Variants in WDR90 observed in about 807,000 individuals in gnomAD.
WDR90 encodes the protein WD repeat-containing protein 90.
In WDR90, 238 loss-of-function variants were observed where a neutral mutation model predicts 195.2. The observed-to-expected ratio is 1.22, with a 90% CI of 1.10 to 1.36. WDR90 has a LOEUF of 1.36. Among genes scored for constraint, WDR90 ranks in the 40% most tolerant of loss-of-function variants. The pLI, the probability that WDR90 is intolerant of heterozygous loss-of-function variation, is 0.00. For missense variants in WDR90, 2,734 were observed against 2,439.5 expected, an observed-to-expected ratio of 1.12 and a Z score of -2.54; for synonymous variants, 1,265 against 1,052.4, an observed-to-expected ratio of 1.20 and a Z score of -3.91.
chr16:655,954 G>A (rs1567216719), intron 17 of WDR90, 65 bp downstream of exon 17: 9 of 1,505,108 alleles, frequency 6.0e-6, no homozygotes, highest in Non-Finnish European at 6.3e-6. Flanking sequence ...GGCGGGGAAG[G>A]CCCAGTCCCC....
In WDR90 at chr16:657,904, G is replaced by T; in HGVS notation, c.2604+12G>T. On this transcript the variant is annotated intron_variant, in intron 21 of 40. Coordinates refer to ENST00000293879, the MANE Select transcript of WDR90 (RefSeq NM_145294.5). The stretch of plus-strand genomic sequence containing the variant: ...CCTCCCTTGATGAGGTGAGTCCGCA[G>T]CCCTCCTGGGTCCAGGGAGACTGGG... 6.4e-7 allele frequency: 1 copy of T among 1,552,546 alleles called. No individual in the cohort carries two copies. The highest frequency in any genetic ancestry group is 8.7e-7 in the Non-Finnish European group (1 of 1,147,044).
chr16:649,121 G>T, upstream of WDR90: 1 of 357,812 alleles, frequency 2.8e-6, no homozygotes. Flanking sequence ...TGACAGGTGG[G>T]CGCGGCGGAG....
intron 13 of WDR90, chr16:654,217 A>C (rs571328451): frequency 1.5e-5 from 3 of 201,242 alleles, no homozygotes; most frequent in Admixed American, 1.1e-4. Context: ...TTTGAGAGAG[A>C]GCCTTGTTCT....
At chr16:661,211 C>A in intron 29 of WDR90, 39 bp downstream of exon 29, 1 of 1,516,882 alleles carries the variant, frequency 6.6e-7, no homozygotes, top group Non-Finnish European at 8.8e-7. Flanking sequence ...CCCAGGGCCA[C>A]CGTGCCCGGC....
At chr16:661,275 G>A (rs1284749491) in intron 29 of WDR90, 67 bp from the exon 30 acceptor site, 22 of 1,532,470 alleles carry the variant, frequency 1.4e-5, no homozygotes, top group Middle Eastern at 2.2e-4. Context: ...CGGAGCAGAC[G>A]GCCACCCCAG....
At chr16:667,130 A>G in intron 40 of WDR90, 141 bp downstream of exon 40, 1 of 934,628 alleles carries the variant, frequency 1.1e-6, no homozygotes, top group Non-Finnish European at 1.6e-6. Flanking sequence ...TGCCCTAGAG[A>G]GGGTCCTGGA....
In WDR90 at chr16:666,120, CG is replaced by C; in HGVS notation, c.4606del (p.Asp1536MetfsTer16). The stretch of plus-strand genomic sequence containing the variant: ...CGCTGACCACTGTTGCCTTCTCCAC[CG>C]ATGGTGAGGAGTTGGGTGTGTTGGG... The part of the protein sequence containing the change: ...VALTTVAFST[D>X]GQTVLSGDKD... On this transcript the variant is annotated frameshift_variant, in exon 36 of 41. Coordinates refer to ENST00000293879, the MANE Select transcript of WDR90 (RefSeq NM_145294.5). LOFTEE classifies it high-confidence loss of function. 1.2e-6 allele frequency: 2 copies of C among 1,609,630 alleles called. No individual in the cohort carries two copies. Among genetic ancestry groups the C allele is most frequent in the Non-Finnish European group, 1.7e-6 (2 of 1,178,100 alleles).
chr16:658,281 G>A lies in WDR90; in HGVS notation c.2703G>A (p.Leu901=), dbSNP rs780107496. ...CFGPAALGHL[L]VSTSSNRVVV... ...GCCCTGCAGCTCTGGGCCACCTGCT[G>A]GTGTCCACCTCGTCCAACAGAGTCG... Residue 901 remains leucine (L), a synonymous_variant, in exon 22 of 41, where the codon CTG becomes CTA. Transcript: ENST00000293879. The A allele has an allele frequency of 1.9e-6, 3 of 1,612,516 alleles. No homozygotes were observed. The highest frequency in any genetic ancestry group is 2.7e-5 in the African/African-American group (2 of 74,932).
chr16:667,350 G>A (rs1596475085), intron 40 of WDR90, 82 bp from the exon 41 acceptor site: 1 of 1,513,238 alleles, frequency 6.6e-7, no homozygotes. Context: ...CATGCCCAGT[G>A]GGGACAGTCT....
intron 28 of WDR90, 127 bp downstream of exon 28, chr16:660,841 CCGGTAGCGCCTCCTGGCG>C: frequency 8.8e-7 from 1 of 1,134,996 alleles, no homozygotes; most frequent in South Asian, 1.6e-5. Flanking sequence ...CTCTGTTCTC[CCGGTAGCGCCTCCTGGCG>C]CTCCAGCCGA....
rs774918769 is a variant in WDR90, at chr16:667,619, C to T, written c.*30C>T. ...CAGCAGGGACTGTGGTGGTGGGCAT[C>T]ACGCCTGGTCATGCCAGGCACCTGG... On this transcript the variant is annotated 3_prime_UTR_variant, in exon 41 of 41. Coordinates refer to ENST00000293879, the MANE Select transcript of WDR90 (RefSeq NM_145294.5). The T allele has an allele frequency of 8.7e-6, 14 of 1,601,264 alleles. No individual in the cohort carries two copies. The highest frequency in any genetic ancestry group is 1.7e-6 in the Non-Finnish European group (2 of 1,179,686).
Position 651,280 on chromosome 16 carries a change from G to C in WDR90, c.736+14G>C, listed in dbSNP as rs554364278. ...CTCCTGAGGCAGGTGGGTCTGGGGG[G>C]TCAGCGGGGACCCAGGTTAAGGCCT... On this transcript the variant is annotated intron_variant, in intron 7 of 40. Coordinates refer to ENST00000293879, the MANE Select transcript of WDR90 (RefSeq NM_145294.5). 1 of 1,612,762 alleles carries C rather than the reference G, an allele frequency of 6.2e-7. No homozygotes were observed. Among genetic ancestry groups the C allele is most frequent in the Non-Finnish European group, 8.5e-7 (1 of 1,179,916 alleles).
At chr16:653,177 GGT>G (rs1161295516) in intron 10 of WDR90, among the ~76,000 whole-genome samples, 162 bp from the exon 11 acceptor site, 2 of 152,154 alleles carry the variant, frequency 1.3e-5, no homozygotes, top group East Asian at 1.9e-4. Flanking sequence ...GTGTGTGCAG[GGT>G]GTGTGTTCTC....
In WDR90 at chr16:665,771, G is replaced by C; in HGVS notation, c.4404G>C (p.Glu1468Asp). The change falls in exon 35 of 41, where the codon GAG becomes GAC. Residue 1468 changes from glutamate (E) to aspartate (D), a missense_variant. By Grantham distance (45) the Glu-to-Asp change is conservative. Coordinates refer to ENST00000293879, the MANE Select transcript of WDR90 (RefSeq NM_145294.5). ...SVRVWALASM[E>D]LVIQFQVLNQ... ...GGGTGTGGGCCTTGGCCAGCATGGA[G>C]CTTGTGATCCAGTTCCAGGTGCTGA... 6.2e-7 allele frequency: 1 copy of C among 1,600,570 alleles called. No homozygotes were observed. The highest frequency in any genetic ancestry group is 8.5e-7 in the Non-Finnish European group (1 of 1,170,936).
At chr16:653,717 G>A (rs756965952) in intron 12 of WDR90, 29 bp from the exon 13 acceptor site, 28 of 1,613,220 alleles carry the variant, frequency 1.7e-5, no homozygotes, top group South Asian at 1.1e-5. Context: ...CAGCCCAGGC[G>A]ACAATGACCA....
chr16:651,898 C>T lies in WDR90; in HGVS notation c.912C>T (p.Ser304=). ...TGTCCCAAGAGCGCTCAGACGCCTC[C>T]AACGCGGATGGCCCCGGTTTCCATA... The part of the protein sequence containing the change: ...VSLSQERSDA[S]NADGPGFHSL... The change falls in exon 9 of 41, where the codon TCC becomes TCT. Residue 304 remains serine, a synonymous_variant. Coordinates refer to ENST00000293879, the MANE Select transcript of WDR90 (RefSeq NM_145294.5). The T allele has an allele frequency of 1.2e-6, 2 of 1,611,290 alleles. No homozygotes were observed. The highest frequency in any genetic ancestry group is 1.7e-6 in the Non-Finnish European group (2 of 1,179,772).
In WDR90 at chr16:651,952, C is replaced by G; in HGVS notation, c.966C>G (p.Ala322=). The G allele has an allele frequency of 6.2e-7, 1 of 1,608,524 alleles. No homozygotes were observed. Among genetic ancestry groups the G allele is most frequent in the African/African-American group, 1.3e-5 (1 of 74,966 alleles). The change falls in exon 9 of 41, where the codon GCC becomes GCG. Residue 322 remains alanine (A), a synonymous_variant. Transcript: ENST00000293879. ...TTGAGCCCTGGGCCCAGCTGGAGGCCTCTGACATCCACACGGCTGCTGCCG... is the reference window on the plus strand; with the variant it reads ...TTGAGCCCTGGGCCCAGCTGGAGGCGTCTGACATCCACACGGCTGCTGCCG... ...HSLEPWAQLE[A]SDIHTAAAGT...
In WDR90 at chr16:661,712, C is replaced by T. The variant is rs3177415; in HGVS notation, c.3789C>T (p.Gly1263=). 686,700 of 1,611,926 alleles carry T rather than the reference C, an allele frequency of 0.43. 165,913 individuals are homozygous for T. The highest frequency in any genetic ancestry group is 0.97 in the East Asian group (43,756 of 44,882). Reference sequence around the variant, plus strand: ...TGGCCTTCAACCCCTGGGACGCCGGCGAGCTCACCTGTGTGGGCCAGGGCA... The same window carrying T: ...TGGCCTTCAACCCCTGGGACGCCGGTGAGCTCACCTGTGTGGGCCAGGGCA... ...HGVAFNPWDA[G]ELTCVGQGTV... is the part of the protein sequence containing the mutation. Residue 1263 remains glycine, a synonymous_variant, in exon 31 of 41, where the codon GGC becomes GGT. Coordinates refer to ENST00000293879, the MANE Select transcript of WDR90 (RefSeq NM_145294.5).
Position 658,691 on chromosome 16 carries a change from G to A in WDR90, c.2895+38G>A, listed in dbSNP as rs776920608. ...GGAGGCAGGTGGCTTTGGCGGTCAG[G>A]AGCCTCCTCAGGTGGCCCTGGAGAC... is the stretch of plus-strand genomic sequence containing the variant. On this transcript the variant is annotated intron_variant, in intron 23 of 40. Transcript: ENST00000293879. 5 of 1,594,984 alleles carry A rather than the reference G, an allele frequency of 3.1e-6. No individual in the cohort carries two copies. The Admixed American group carries it at 8.4e-5, about 27-fold the overall frequency.
Sources: gnomAD v4.1 joint callset for allele counts (sites outside exome capture counted in the v4.1 genomes callset) on GRCh38, gnomAD v4.1.1 for gene constraint, MANE v1.5 for transcripts, NCBI Gene and HGNC (gene_info 2026-07-23, HGNC 2026-07-21) for gene names.